Variants in FUT9 observed in about 807,000 individuals in gnomAD.
FUT9 encodes the protein fucosyltransferase 9, also known as 4-galactosyl-N-acetylglucosaminide 3-alpha-L-fucosyltransferase 9.
FUT9 carries 15 observed loss-of-function variants against 29.7 expected under a neutral mutation model. The ratio of observed to expected loss-of-function variants is 0.51; its 90% CI spans 0.34 to 0.78. The LOEUF is 0.78. FUT9 is among the 30% of genes least tolerant of loss of function. The probability of loss-of-function intolerance (pLI) is 0.01; values close to 1 mark genes in which losing one functional copy is unlikely to be tolerated. For missense variants in FUT9, 319 were observed against 425.4 expected (o/e 0.75, Z 2.20); for synonymous variants, 169 against 153.7 (o/e 1.10, Z -0.74).
Position 96,211,410 on chromosome 6 carries a change from G to T in FUT9, c.*7175G>T, listed in dbSNP as rs1773935174. 1 of 166,750 alleles carries T rather than the reference G, an allele frequency of 6.0e-6. No individual in the cohort carries two copies. Among genetic ancestry groups the T allele is most frequent in the African/African-American group, 2.4e-5 (1 of 41,376 alleles). The allele number at this position is 166,750 out of a possible 1,614,324, so 10.3% of individuals were successfully genotyped here. A position where few individuals can be genotyped will look rare whatever the true frequency, so the allele number is the denominator to read the frequency against. ...GAGATCATTTTCTGGTAAAGAAAAAGGCCTAGCAATATTTAACAGTTTGAC... is the reference window on the plus strand; with the variant it reads ...GAGATCATTTTCTGGTAAAGAAAAATGCCTAGCAATATTTAACAGTTTGAC... On this transcript the variant is annotated 3_prime_UTR_variant, in exon 3 of 3. Coordinates refer to ENST00000302103, the MANE Select transcript of FUT9 (RefSeq NM_006581.4).
chr6:96,192,306 A>G (rs1269241421), intron 2 of FUT9, among the ~76,000 whole-genome samples: 5 of 152,182 alleles, frequency 3.3e-5, no homozygotes, highest in Non-Finnish European at 7.3e-5. Context: ...AGAAAACCCC[A>G]TCATCTCAAC....
chr6:96,196,937 T>C (rs1376909165), intron 2 of FUT9, among the ~76,000 whole-genome samples: 1 of 152,106 alleles, frequency 6.6e-6, no homozygotes, highest in Admixed American at 6.6e-5. Flanking sequence ...TTTTAGGTTT[T>C]ATTAGTGGCC....
rs1166427396 is a variant in FUT9, at chr6:96,114,367, A to G, written c.-9+240A>G. On this transcript the variant is annotated intron_variant, in intron 2 of 2. Transcript: ENST00000302103. The stretch of plus-strand genomic sequence containing the variant: ...TGGTAGGTAGGATAATACATCCATC[A>G]TGTCTAATCATATTTTAAAATAAAT... 2.0e-5 allele frequency among the ~76,000 whole-genome samples: 3 copies of G among 152,058 alleles called. No individual in the cohort carries two copies. The East Asian group carries it at 5.8e-4, about 29-fold the overall frequency.
At chr6:96,108,194 T>G (rs1029874869) in intron 1 of FUT9, among the ~76,000 whole-genome samples, 1 of 152,138 alleles carries the variant, frequency 6.6e-6, no homozygotes, top group Non-Finnish European at 1.5e-5. Flanking sequence ...CCAACCAACA[T>G]TTTTTGGACT....
Position 96,161,314 on chromosome 6 carries a change from C to T in FUT9, c.-8-41834C>T, listed in dbSNP as rs962030902. ...ATCATTGGCCCCTTCCACCATGAGC[C>T]GATACAGTTAGAAGATGTCCTCTTT... is the stretch of plus-strand genomic sequence containing the variant. On this transcript the variant is annotated intron_variant, in intron 2 of 2. Transcript: ENST00000302103. 7.2e-5 allele frequency among the ~76,000 whole-genome samples: 11 copies of T among 152,028 alleles called. 1 individual carries two copies. The South Asian group carries it at 1.5e-3, about 20-fold the overall frequency.
intron 2 of FUT9, among the ~76,000 whole-genome samples, chr6:96,151,736 A>G (rs911739424): frequency 6.6e-5 from 10 of 152,170 alleles, no homozygotes; most frequent in African/African-American, 2.4e-4. Context: ...TTCAGCTACG[A>G]TATTTTGAAC....
At chr6:96,083,596 C>T (rs932678458) in intron 1 of FUT9, among the ~76,000 whole-genome samples, 13 of 152,058 alleles carry the variant, frequency 8.5e-5, no homozygotes, top group Admixed American at 5.2e-4. Flanking sequence ...CACTTAAACC[C>T]CTTCAGCAGC....
chr6:96,170,793 A>T (rs1011629406), intron 2 of FUT9, among the ~76,000 whole-genome samples: 2 of 152,154 alleles, frequency 1.3e-5, no homozygotes, highest in African/African-American at 4.8e-5. Flanking sequence ...AGAATGGGAC[A>T]TTTGGGGATT....
At chr6:96,048,259 A>G (rs998937672) in intron 1 of FUT9, among the ~76,000 whole-genome samples, 1 of 152,208 alleles carries the variant, frequency 6.6e-6, no homozygotes, top group Non-Finnish European at 1.5e-5. Flanking sequence ...CTTTAGCCAT[A>G]TAAGGTAACA....
At chr6:96,102,835 T>C (rs1435192849) in intron 1 of FUT9, among the ~76,000 whole-genome samples, 3 of 152,208 alleles carry the variant, frequency 2.0e-5, no homozygotes, top group African/African-American at 7.2e-5. Context: ...CTTCCCATTA[T>C]ACCAGAGAGA....
chr6:96,177,812 A>C (rs946426245), intron 2 of FUT9, among the ~76,000 whole-genome samples: 3 of 152,192 alleles, frequency 2.0e-5, no homozygotes, highest in Non-Finnish European at 2.9e-5. Context: ...TTTTTTACTT[A>C]ATGTTACTAA....
At chr6:96,027,212 C>T (rs1271085512) in intron 1 of FUT9, among the ~76,000 whole-genome samples, 3 of 151,526 alleles carry the variant, frequency 2.0e-5, no homozygotes, top group Admixed American at 6.6e-5. Context: ...TACTTTTAGA[C>T]ATTGAAGAGA....
chr6:96,156,578 A>AT (rs768478856), intron 2 of FUT9, among the ~76,000 whole-genome samples: 45 of 152,214 alleles, frequency 3.0e-4, no homozygotes, highest in Non-Finnish European at 5.6e-4. Context: ...GCTCTGCCCC[A>AT]TTCCCCCTAG....
At chr6:96,047,704 G>A (rs1459737457) in intron 1 of FUT9, among the ~76,000 whole-genome samples, 1 of 152,044 alleles carries the variant, frequency 6.6e-6, no homozygotes, top group African/African-American at 2.4e-5. Flanking sequence ...TAAAACAAGG[G>A]TTACGATAGA....
At chr6:96,129,126 G>A (rs9322679) in intron 2 of FUT9, among the ~76,000 whole-genome samples, 104,611 of 149,934 alleles carry the variant, frequency 0.7, 38,127 homozygotes, top group East Asian at 0.9. Context: ...ATAGCTGGGC[G>A]TGGTGGCGGG....
At chr6:96,118,929 T>G (rs1353579165) in intron 2 of FUT9, among the ~76,000 whole-genome samples, 1 of 151,942 alleles carries the variant, frequency 6.6e-6, no homozygotes, top group Non-Finnish European at 1.5e-5. Flanking sequence ...AGAATAAGGA[T>G]TAAAGAAAGA....
At position 96,207,485 on chromosome 6, in the gene FUT9, G is replaced by A. The variant is rs1249630247; in HGVS notation, c.*3250G>A. ...ATCAAACTTGTTAGCATTCGTTCTG[G>A]TTTAAATATTTTAGGAGTTGAGTTC... On this transcript the variant is annotated 3_prime_UTR_variant, in exon 3 of 3. Transcript: ENST00000302103. 1 of 166,946 alleles carries A rather than the reference G, an allele frequency of 6.0e-6. No homozygotes were observed. Among genetic ancestry groups the A allele is most frequent in the African/African-American group, 2.4e-5 (1 of 41,404 alleles). 10.3% of individuals were successfully genotyped at this position (166,946 alleles called of 1,614,324 possible). A position where few individuals can be genotyped will look rare whatever the true frequency, so the allele number is the denominator to read the frequency against.
intron 1 of FUT9, among the ~76,000 whole-genome samples, chr6:96,074,158 T>C (rs933734331): frequency 6.6e-6 from 1 of 152,192 alleles, no homozygotes; most frequent in African/African-American, 2.4e-5. Context: ...AAATTTGTAC[T>C]GCACCAAACA....
intron 2 of FUT9, among the ~76,000 whole-genome samples, chr6:96,157,134 A>G (rs917244958): frequency 6.6e-6 from 1 of 152,200 alleles, no homozygotes; most frequent in African/African-American, 2.4e-5. Context: ...CTGGCTAAAA[A>G]GGCTAACTAA....
Sources: allele counts gnomAD v4.1 joint callset (sites outside exome capture counted in the v4.1 genomes callset), GRCh38; gene constraint gnomAD v4.1.1; transcripts MANE v1.5; gene names NCBI Gene and HGNC (gene_info 2026-07-23, HGNC 2026-07-21).